The following RNF135 variants were observed in gnomAD, a reference collection of about 807,000 sequenced individuals.
RNF135 encodes the protein ring finger protein 135.
A neutral mutation model predicts 41.9 loss-of-function variants in RNF135; 46 were observed. The observed-to-expected ratio is 1.10, with a 90% confidence interval of 0.87 to 1.40. The LOEUF (loss-of-function observed/expected upper bound fraction) is 1.40. RNF135 is among the 40% of genes most tolerant of loss of function. RNF135 has a pLI of 0.00. For missense variants in RNF135, 539 were observed against 549.8 expected (o/e 0.98, Z 0.20); for synonymous variants, 238 against 223.8 (o/e 1.06, Z -0.57).
chr17:30,962,350 T>G, the RNF135 span, among the ~76,000 whole-genome samples: 23 of 152,238 alleles, frequency 1.5e-4, no homozygotes, highest in African/African-American at 5.3e-4. Flanking sequence ...GCCAGGATGG[T>G]CTTGAATTCT....
intron 1 of RNF135, among the ~76,000 whole-genome samples, chr17:30,978,309 T>A (rs1255971559): frequency 6.6e-6 from 1 of 152,200 alleles, no homozygotes; most frequent in Non-Finnish European, 1.5e-5. Context: ...TATTATTTCT[T>A]TGAATAAACT....
At chr17:30,982,628 A>G (rs1907237354) in intron 1 of RNF135, among the ~76,000 whole-genome samples, 2 of 152,074 alleles carry the variant, frequency 1.3e-5, no homozygotes, top group South Asian at 4.1e-4. Context: ...TGTAGTTGTT[A>G]AATTTGGTGT....
intron 1 of RNF135, among the ~76,000 whole-genome samples, chr17:30,977,724 A>T (rs1416650752): frequency 6.6e-6 from 1 of 151,622 alleles, no homozygotes; most frequent in Non-Finnish European, 1.5e-5. Context: ...GCCCACCACC[A>T]CGCCCGGCTA....
chr17:30,971,143 T>A lies in RNF135; in HGVS notation c.70T>A (p.Cys24Ser). ...CGAGGACGACCTCGGCTGCATCATC[T>A]GCCAGGGGCTGCTGGACTGGCCCGC... ...LAEDDLGCII[C>S]QGLLDWPATL... The change falls in exon 1 of 5, where the codon TGC (cysteine) becomes AGC (serine). Residue 24 changes from cysteine to serine, a missense_variant. Around this residue, in one of 2 missense-constraint regions of RNF135, gnomAD observed 277 missense variants for 212.8 expected, o/e 1.30. Coordinates refer to ENST00000328381, the MANE Select transcript of RNF135 (RefSeq NM_032322.4). 1 of 1,533,972 alleles carries A rather than the reference T, an allele frequency of 6.5e-7. No homozygotes were observed. Among genetic ancestry groups the A allele is most frequent in the Middle Eastern group, 1.7e-4 (1 of 5,730 alleles).
chr17:30,964,641 C>T, the RNF135 span, among the ~76,000 whole-genome samples: 1 of 151,602 alleles, frequency 6.6e-6, no homozygotes, highest in Admixed American at 6.6e-5. Context: ...GGCAGTGTGC[C>T]TTATTTCATC....
intron 1 of RNF135, among the ~76,000 whole-genome samples, chr17:30,983,353 A>ATATATTTTTTTTTTTTTT (rs1420453160): frequency 2.8e-5 from 1 of 35,734 alleles, no homozygotes; most frequent in African/African-American, 9.1e-5. Flanking sequence ...ATATATATAT[A>ATATATTTTTTTTTTTTTT]TTTTTTTTTT....
At chr17:30,968,486 G>C (rs1284638084), upstream of RNF135, among the ~76,000 whole-genome samples, 2 of 150,888 alleles carry the variant, frequency 1.3e-5, no homozygotes, top group Admixed American at 6.6e-5. Context: ...CCTGGGTTCA[G>C]GTCATTCTCC....
the RNF135 span, among the ~76,000 whole-genome samples, chr17:30,964,274 A>G: frequency 6.6e-6 from 1 of 151,820 alleles, no homozygotes; most frequent in Non-Finnish European, 1.5e-5. Context: ...CTGTAATCCC[A>G]GCTACTTGGG....
chr17:30,975,652 A>C, intron 1 of RNF135: 1 of 1,241,138 alleles, frequency 8.1e-7, no homozygotes, highest in Non-Finnish European at 1.2e-6. Flanking sequence ...CACAACCGCC[A>C]ATACCGGAGG....
At chr17:30,993,857 C>G in intron 3 of RNF135, 1 of 782,642 alleles carries the variant, frequency 1.3e-6, no homozygotes, top group Non-Finnish European at 2.1e-6. Context: ...GTTGCCCAGG[C>G]TGGAGTGCAG....
chr17:30,988,883 G>A (rs1907790437), intron 3 of RNF135, among the ~76,000 whole-genome samples: 1 of 146,820 alleles, frequency 6.8e-6, no homozygotes, highest in Non-Finnish European at 1.5e-5. Flanking sequence ...CACCACGCCT[G>A]GCTAATTTTT....
intron 1 of RNF135, among the ~76,000 whole-genome samples, chr17:30,976,764 C>T (rs1906494103): frequency 1.3e-5 from 2 of 152,116 alleles, no homozygotes; most frequent in South Asian, 4.1e-4. Context: ...GCTAATCCTG[C>T]TCTTTTTTGG....
chr17:30,991,069 A>T (rs766847149), intron 3 of RNF135, among the ~76,000 whole-genome samples: 6 of 152,220 alleles, frequency 3.9e-5, no homozygotes, highest in Non-Finnish European at 7.3e-5. Context: ...TTTGATATAC[A>T]TTGCCAAATC....
At chr17:30,980,731 T>C (rs1907064257) in intron 1 of RNF135, among the ~76,000 whole-genome samples, 1 of 129,248 alleles carries the variant, frequency 7.7e-6, no homozygotes, top group African/African-American at 3.0e-5. Context: ...GACAGGGCGG[T>C]GGGGCAGAGG....
Position 30,971,244 on chromosome 17 carries a change from G to A in RNF135, c.171G>A (p.Trp57Ter). Residue 57 changes from tryptophan to a stop codon, truncating the protein, a stop_gained, in exon 1 of 5, where the codon TGG becomes TGA. Transcript: ENST00000328381. LOFTEE classifies it high-confidence loss of function. ...ALWGARDARR[W>*]ACPTCRQGAA... The stretch of plus-strand genomic sequence containing the variant: ...GGGGCGCCCGCGACGCCCGCCGCTG[G>A]GCCTGCCCCACTTGCCGCCAGGGCG... 6.6e-7 allele frequency: 1 copy of A among 1,520,582 alleles called. No homozygotes were observed. Among genetic ancestry groups the A allele is most frequent in the Non-Finnish European group, 8.8e-7 (1 of 1,139,782 alleles). 94.2% of individuals were successfully genotyped at this position (1,520,582 alleles called of 1,614,324 possible).
At chr17:30,996,048 A>G (rs1194992506) in intron 3 of RNF135, among the ~76,000 whole-genome samples, 2 of 145,588 alleles carry the variant, frequency 1.4e-5, no homozygotes, top group African/African-American at 5.1e-5. Flanking sequence ...AAGTATTGGG[A>G]TTACAGGCGT....
intron 1 of RNF135, among the ~76,000 whole-genome samples, chr17:30,977,713 C>T (rs1906588825): frequency 6.6e-6 from 1 of 152,118 alleles, no homozygotes; most frequent in Non-Finnish European, 1.5e-5. Context: ...GGATTACAGG[C>T]GCCCACCACC....
chr17:30,976,251 G>A (rs1036414917), intron 1 of RNF135, among the ~76,000 whole-genome samples: 112 of 152,132 alleles, frequency 7.4e-4, no homozygotes, highest in African/African-American at 2.5e-3. Context: ...TGATCCACCC[G>A]CCTCGGCCTC....
Position 30,987,100 on chromosome 17 carries a change from C to A in RNF135, c.517-844C>A, listed in dbSNP as rs547733829. 7.9e-5 allele frequency among the ~76,000 whole-genome samples: 12 copies of A among 152,178 alleles called. 1 individual carries two copies. In the South Asian group the frequency reaches 2.5e-3, roughly 32 times the overall value. ...GATAAAGGGCTGTATTGGGGAAGAA[C>A]AGGACCTGAGGCTAAAGAAAATCAG... is the stretch of plus-strand genomic sequence containing the variant. On this transcript the variant is annotated intron_variant, in intron 2 of 4. Transcript: ENST00000328381.
Sources: allele counts gnomAD v4.1 joint callset (sites outside exome capture counted in the v4.1 genomes callset), GRCh38; gene constraint gnomAD v4.1.1; regional missense constraint gnomAD v4.1.1; transcripts MANE v1.5; gene names NCBI Gene and HGNC (gene_info 2026-07-23, HGNC 2026-07-21).